COL5A2: variants seen among roughly 807,000 people sequenced by gnomAD.
The protein encoded by COL5A2 is collagen alpha-2(V) chain.
In COL5A2, 23 loss-of-function variants were observed where a neutral mutation model predicts 208.2. That is an observed-to-expected ratio of 0.11 (90% CI 0.08 to 0.16). The LOEUF (loss-of-function observed/expected upper bound fraction) is 0.16, where lower values mean the gene tolerates loss of function less well. Ranked by LOEUF, COL5A2 falls within the 10% of genes least tolerant of loss-of-function variation. The pLI is 1.00. For synonymous variants in COL5A2, 625 were observed against 628.5 expected (o/e 0.99, Z 0.08); for missense variants, 1,590 against 1,956.4 (o/e 0.81, Z 3.53).
At chr2:189,353,180 T>C in the COL5A2 span, among the ~76,000 whole-genome samples, 1 of 152,182 alleles carries the variant, frequency 6.6e-6, no homozygotes, top group Non-Finnish European at 1.5e-5. Context: ...CAAGCTGTTT[T>C]GGTTGCTGTA....
chr2:189,140,428 AC>A (rs1186197251), intron 1 of COL5A2, among the ~76,000 whole-genome samples: 2 of 152,202 alleles, frequency 1.3e-5, no homozygotes, highest in Non-Finnish European at 2.9e-5. Context: ...ACCTGGAGGC[AC>A]ATTTGGCATT....
the COL5A2 span, among the ~76,000 whole-genome samples, chr2:189,334,543 T>A: frequency 6.6e-6 from 1 of 151,934 alleles, no homozygotes; most frequent in Non-Finnish European, 1.5e-5. Context: ...AATTTCAAGA[T>A]CTTTATTAAA....
chr2:189,236,839 T>C, the COL5A2 span, among the ~76,000 whole-genome samples: 3 of 151,914 alleles, frequency 2.0e-5, no homozygotes, highest in South Asian at 6.2e-4. Flanking sequence ...CTTTTAATGA[T>C]AACTTATGAT....
chr2:189,402,164 T>C, the COL5A2 span, among the ~76,000 whole-genome samples: 1 of 152,128 alleles, frequency 6.6e-6, no homozygotes, highest in African/African-American at 2.4e-5. Context: ...TGAATGGTAT[T>C]GCCTAGGTTT....
chr2:189,229,441 C>A (rs1356423119), upstream of COL5A2, among the ~76,000 whole-genome samples: 253 of 107,274 alleles, frequency 2.4e-3, 1 homozygote, highest in South Asian at 3.8e-3. Flanking sequence ...TACACACACA[C>A]AAAAAAAAAA....
intron 1 of COL5A2, among the ~76,000 whole-genome samples, chr2:189,131,379 C>T (rs1687712057): frequency 6.6e-6 from 1 of 151,984 alleles, no homozygotes; most frequent in African/African-American, 2.4e-5. Context: ...TTTTTTTCTT[C>T]TTAAACTGCT....
At chr2:189,121,735 T>TTAAAA (rs1576540807) in intron 1 of COL5A2, among the ~76,000 whole-genome samples, 1 of 4,344 alleles carries the variant, frequency 2.3e-4, no homozygotes, top group African/African-American at 2.9e-4. Flanking sequence ...AGACTCCGTC[T>TTAAAA]CAAAAAAAAA....
intron 43 of COL5A2, among the ~76,000 whole-genome samples, chr2:189,049,952 C>A (rs1048373862): frequency 1.3e-5 from 2 of 152,196 alleles, no homozygotes; most frequent in Admixed American, 1.3e-4. Context: ...TCCCATACAT[C>A]TCTCTGTCTA....
intron 1 of COL5A2, among the ~76,000 whole-genome samples, chr2:189,204,255 T>A (rs1015715099): frequency 2.3e-4 from 35 of 152,332 alleles, no homozygotes; most frequent in African/African-American, 7.7e-4. Context: ...AATTATGCTA[T>A]TTTATAGAGA....
At chr2:189,325,922 C>A in the COL5A2 span, among the ~76,000 whole-genome samples, 5 of 151,920 alleles carry the variant, frequency 3.3e-5, no homozygotes, top group Non-Finnish European at 7.4e-5. Context: ...CATGGTGAAA[C>A]CCCATCTCTA....
chr2:189,075,044 T>C (rs183330061), intron 17 of COL5A2, among the ~76,000 whole-genome samples: 38 of 152,286 alleles, frequency 2.5e-4, no homozygotes, highest in African/African-American at 8.9e-4. Flanking sequence ...AATTTTACCT[T>C]CCTAGAATTT....
intron 1 of COL5A2, among the ~76,000 whole-genome samples, chr2:189,129,458 T>G (rs1018076092): frequency 2.0e-5 from 3 of 152,084 alleles, no homozygotes; most frequent in Non-Finnish European, 2.9e-5. Flanking sequence ...TTCTGGGACA[T>G]TCCTTGAATT....
chr2:189,362,558 T>C, the COL5A2 span, among the ~76,000 whole-genome samples: 2 of 152,138 alleles, frequency 1.3e-5, no homozygotes, highest in African/African-American at 4.8e-5. Flanking sequence ...AATGTTCCAA[T>C]TGCACCCTGA....
intron 2 of COL5A2, among the ~76,000 whole-genome samples, chr2:189,107,660 C>A (rs1218862456): frequency 6.6e-6 from 1 of 151,402 alleles, no homozygotes; most frequent in Admixed American, 6.6e-5. Flanking sequence ...AAGCATAGAA[C>A]TATGATTTTT....
chr2:189,419,109 T>A, the COL5A2 span, among the ~76,000 whole-genome samples: 1 of 152,200 alleles, frequency 6.6e-6, no homozygotes, highest in Non-Finnish European at 1.5e-5. Flanking sequence ...AGCATCTTCA[T>A]GCTCTTTAAA....
chr2:189,287,634 T>C, the COL5A2 span, among the ~76,000 whole-genome samples: 1 of 152,200 alleles, frequency 6.6e-6, no homozygotes, highest in African/African-American at 2.4e-5. Context: ...TTAGTAGTAG[T>C]ATAAAGGATT....
the COL5A2 span, among the ~76,000 whole-genome samples, chr2:189,247,184 A>T: frequency 2.6e-5 from 4 of 152,208 alleles, no homozygotes; most frequent in Non-Finnish European, 4.4e-5. Flanking sequence ...GCCTAAGAAG[A>T]GAACACTGTA....
the COL5A2 span, among the ~76,000 whole-genome samples, chr2:189,432,075 G>T: frequency 2.0e-5 from 3 of 152,120 alleles, no homozygotes; most frequent in African/African-American, 7.2e-5. Context: ...TTTCAACCTA[G>T]AATTTCATAT....
the COL5A2 span, among the ~76,000 whole-genome samples, chr2:189,316,224 G>A: frequency 6.6e-6 from 1 of 152,106 alleles, no homozygotes; most frequent in Non-Finnish European, 1.5e-5. Context: ...GTCCATCAAT[G>A]ATAGACTGGA....
Sources: allele counts gnomAD v4.1 joint callset (sites outside exome capture counted in the v4.1 genomes callset), GRCh38; gene constraint gnomAD v4.1.1; transcripts MANE v1.5; gene names NCBI Gene and HGNC (gene_info 2026-07-23, HGNC 2026-07-21).